The following PARD6G variants were observed in gnomAD, a reference collection of about 807,000 sequenced individuals.
PARD6G encodes partitioning defective 6 homolog gamma.
Under a neutral mutation model 10.7 loss-of-function variants are expected in PARD6G, and 7 were observed. That is an observed-to-expected ratio of 0.66 (90% CI 0.37 to 1.23). The LOEUF is 1.23. PARD6G is among the 50% of genes most tolerant of loss of function. The pLI, the probability that PARD6G is intolerant of heterozygous loss-of-function variation, is 0.02. For missense variants in PARD6G, 548 were observed against 571.8 expected, an observed-to-expected ratio of 0.96 and a Z score of 0.42; for synonymous variants, 287 against 269.4, an observed-to-expected ratio of 1.07 and a Z score of -0.64.
chr18:80,195,932 T>C (rs1334422082), intron 2 of PARD6G, among the ~76,000 whole-genome samples: 1 of 151,700 alleles, frequency 6.6e-6, no homozygotes, highest in Non-Finnish European at 1.5e-5. Context: ...ATTCAAACGT[T>C]ACTCTAGAGC....
chr18:80,183,178 G>A lies in PARD6G; in HGVS notation c.295+19532C>T, dbSNP rs1204947267. 3 of 702,994 alleles carry A rather than the reference G, an allele frequency of 4.3e-6. No individual in the cohort carries two copies. Among genetic ancestry groups the A allele is most frequent in the South Asian group, 1.5e-5 (1 of 67,602 alleles). The allele number at this position is 702,994 out of a possible 1,614,324, so 43.5% of individuals were successfully genotyped here. ...GCAGGAAAATTAGTGAAGAAGTGGA[G>A]GGCCTTGCAATGTGAAAGGGTGGGA... On this transcript the variant is annotated intron_variant, in intron 2 of 2. Transcript: ENST00000353265. The surrounding 1 kb of genome is among the most constrained non-coding windows in gnomAD (Gnocchi z 4.5).
At position 80,246,353 on chromosome 18, in the gene PARD6G, G is replaced by C. The variant is rs1967546816; in HGVS notation, c.72+924C>G. Among the ~76,000 whole-genome samples the C allele has an allele frequency of 6.6e-6, 1 of 152,330 alleles. No homozygotes were observed. Among genetic ancestry groups the C allele is most frequent in the African/African-American group, 2.4e-5 (1 of 41,580 alleles). ...ACCCTCACAAACAATAGCATCTGCG[G>C]CGAAGGAACCACCCCCGCAAAGGGC... is the stretch of plus-strand genomic sequence containing the variant. On this transcript the variant is annotated intron_variant, in intron 1 of 2. Coordinates refer to ENST00000353265, the MANE Select transcript of PARD6G (RefSeq NM_032510.4). This position sits in a 1 kb window ranked among gnomAD's most constrained non-coding sequence, Gnocchi z 6.7.
At chr18:80,224,618 C>T (rs1050717631) in intron 1 of PARD6G, among the ~76,000 whole-genome samples, 1 of 152,176 alleles carries the variant, frequency 6.6e-6, no homozygotes, top group Admixed American at 6.5e-5. Context: ...GAGGCCGAGG[C>T]GGGCGGATCA....
At chr18:80,194,467 G>A (rs1057090031) in intron 2 of PARD6G, among the ~76,000 whole-genome samples, 2 of 152,164 alleles carry the variant, frequency 1.3e-5, no homozygotes, top group African/African-American at 4.8e-5. Context: ...TTTATTGTGA[G>A]AGTCACACGA....
At chr18:80,223,563 T>C (rs773116990) in intron 1 of PARD6G, among the ~76,000 whole-genome samples, 1 of 152,196 alleles carries the variant, frequency 6.6e-6, no homozygotes, top group East Asian at 1.9e-4. Flanking sequence ...ATAAAAAAGA[T>C]AACATGCTGA....
At chr18:80,195,413 G>A (rs986489180) in intron 2 of PARD6G, among the ~76,000 whole-genome samples, 2 of 151,412 alleles carry the variant, frequency 1.3e-5, no homozygotes, top group African/African-American at 2.4e-5. Flanking sequence ...GGCCCCCCTC[G>A]GTGCTATTCC....
chr18:80,206,492 A>AGAGTAGTTTCC (rs1967055271), intron 1 of PARD6G, among the ~76,000 whole-genome samples: 6 of 152,246 alleles, frequency 3.9e-5, no homozygotes, highest in Non-Finnish European at 7.3e-5. Context: ...ACCAGGCAAT[A>AGAGTAGTTTCC]AACCTTGCAA....
intron 1 of PARD6G, among the ~76,000 whole-genome samples, chr18:80,218,728 C>T (rs1967197358): frequency 6.6e-6 from 1 of 152,260 alleles, no homozygotes; most frequent in South Asian, 2.1e-4. Context: ...CATTTCCCTT[C>T]CGCACTGCTG....
rs8083188 is a variant in PARD6G, at chr18:80,163,393, G to A, written c.296-2787C>T. Reference sequence around the variant, plus strand: ...GGCAGAGTACAGTGAGGCTTGGCCCGGGAGAGGTGACACCTACTGTTCCAA... The same window carrying A: ...GGCAGAGTACAGTGAGGCTTGGCCCAGGAGAGGTGACACCTACTGTTCCAA... On this transcript the variant is annotated intron_variant, in intron 2 of 2. Transcript: ENST00000353265. Among the ~76,000 whole-genome samples, 534 of 152,294 alleles carry A rather than the reference G, an allele frequency of 3.5e-3. 5 individuals carry two copies. Among genetic ancestry groups the A allele is most frequent in the African/African-American group, 0.012 (493 of 41,558 alleles).
At chr18:80,233,674 A>G (rs1453754071) in intron 1 of PARD6G, among the ~76,000 whole-genome samples, 8 of 152,172 alleles carry the variant, frequency 5.3e-5, no homozygotes, top group African/African-American at 1.9e-4. Context: ...TAACAGCCCC[A>G]AACTCCTTTC....
At chr18:80,240,381 A>C (rs1599879756) in intron 1 of PARD6G, among the ~76,000 whole-genome samples, 1 of 152,294 alleles carries the variant, frequency 6.6e-6, no homozygotes, top group East Asian at 1.9e-4. Context: ...TCAACGGACC[A>C]TTTCTGAACC....
intron 2 of PARD6G, among the ~76,000 whole-genome samples, chr18:80,191,610 C>G (rs192370928): frequency 1.5e-3 from 231 of 152,260 alleles, no homozygotes; most frequent in African/African-American, 5.2e-3. Context: ...AAGAAATTTT[C>G]TTGAAAAATG....
intron 1 of PARD6G, among the ~76,000 whole-genome samples, chr18:80,219,203 G>GGTTGGTTT (rs1555737921): frequency 4.2e-5 from 6 of 143,122 alleles, no homozygotes; most frequent in South Asian, 2.2e-4. Flanking sequence ...CAGAAAATAG[G>GGTTGGTTT]GTTTGTTTGT....
In PARD6G at chr18:80,180,498, A is replaced by G. The variant is rs2052843437; in HGVS notation, c.296-19892T>C. On this transcript the variant is annotated intron_variant, in intron 2 of 2. Coordinates refer to ENST00000353265, the MANE Select transcript of PARD6G (RefSeq NM_032510.4). The surrounding 1 kb of genome is among the most constrained non-coding windows in gnomAD (Gnocchi z 5.6). Reference sequence around the variant, plus strand: ...CCCCAGGTATCACCGGGGCCCTCCCAGGACCAACCCAGCCGGTGGTCAGGG... The same window carrying G: ...CCCCAGGTATCACCGGGGCCCTCCCGGGACCAACCCAGCCGGTGGTCAGGG... Among the ~76,000 whole-genome samples, 1 of 152,120 alleles carries G rather than the reference A, an allele frequency of 6.6e-6. No homozygotes were observed. The highest frequency in any genetic ancestry group is 2.4e-5 in the African/African-American group (1 of 41,430).
intron 1 of PARD6G, among the ~76,000 whole-genome samples, chr18:80,241,124 G>A (rs1042251180): frequency 3.3e-5 from 5 of 152,186 alleles, no homozygotes; most frequent in African/African-American, 9.7e-5. Context: ...GCTGTTTCTT[G>A]CAAGCTCCAG....
At chr18:80,221,318 T>C (rs1031868656) in intron 1 of PARD6G, among the ~76,000 whole-genome samples, 1 of 152,146 alleles carries the variant, frequency 6.6e-6, no homozygotes, top group African/African-American at 2.4e-5. Flanking sequence ...CTCAAGAGAA[T>C]ACTAGCACAC....
At chr18:80,235,660 T>G (rs1191984705) in intron 1 of PARD6G, among the ~76,000 whole-genome samples, 2 of 152,138 alleles carry the variant, frequency 1.3e-5, no homozygotes, top group Non-Finnish European at 2.9e-5. Context: ...CAATAAAAAA[T>G]GATAAAGGGA....
chr18:80,187,028 G>C (rs143508349), intron 2 of PARD6G, among the ~76,000 whole-genome samples: 1,554 of 152,132 alleles, frequency 0.01, 13 homozygotes, highest in Non-Finnish European at 0.018. Flanking sequence ...GAACCCGGGA[G>C]GTGGAGCTTG....
intron 2 of PARD6G, among the ~76,000 whole-genome samples, chr18:80,163,746 C>T (rs1353339633): frequency 1.3e-5 from 2 of 152,208 alleles, no homozygotes; most frequent in Non-Finnish European, 2.9e-5. Context: ...TTATAAATCA[C>T]TTAGGTAGAC....
Sources: allele counts gnomAD v4.1 joint callset (sites outside exome capture counted in the v4.1 genomes callset), GRCh38; gene constraint gnomAD v4.1.1; non-coding constraint Gnocchi (gnomAD v3.1); transcripts MANE v1.5; gene names NCBI Gene and HGNC (gene_info 2026-07-23, HGNC 2026-07-21).